The following SLA variants were observed in gnomAD, a reference collection of about 807,000 sequenced individuals.
SLA encodes the protein Src like adaptor.
In SLA, 16 loss-of-function variants were observed where a neutral mutation model predicts 30.3. The ratio of observed to expected loss-of-function variants is 0.53; its 90% CI spans 0.36 to 0.80. The LOEUF (loss-of-function observed/expected upper bound fraction) is 0.80. Among genes scored for constraint, SLA ranks in the 30% least tolerant of loss-of-function variants. The pLI is 0.01. For synonymous variants in SLA, 143 were observed against 137.8 expected, an observed-to-expected ratio of 1.04 and a Z score of -0.26; for missense variants, 310 against 345.2, an observed-to-expected ratio of 0.90 and a Z score of 0.81.
intron 1 of SLA, among the ~76,000 whole-genome samples, chr8:133,092,291 C>T (rs1293676333): frequency 6.6e-6 from 1 of 152,210 alleles, no homozygotes; most frequent in Non-Finnish European, 1.5e-5. Context: ...GGCACCTTAC[C>T]ATGTTCGGAG....
chr8:133,062,481 C>G (rs142142124), intron 2 of SLA, among the ~76,000 whole-genome samples: 1 of 152,260 alleles, frequency 6.6e-6, no homozygotes, highest in Non-Finnish European at 1.5e-5. Context: ...TCCCCGGTGC[C>G]GGGCCCTGGG....
chr8:133,050,621 TG>T (rs1260712964), intron 4 of SLA, 194 bp downstream of exon 4: 2 of 523,544 alleles, frequency 3.8e-6, no homozygotes, highest in South Asian at 2.6e-5. Flanking sequence ...TACCAGGCAG[TG>T]GGGAGCTATG....
chr8:133,047,510 A>G lies in SLA; in HGVS notation c.352+320T>C, dbSNP rs11993576. On this transcript the variant is annotated intron_variant, in intron 6 of 8. Coordinates refer to ENST00000338087, the MANE Select transcript of SLA (RefSeq NM_001045556.3). ...AGCCCAGGCCCATACCAAAGGCCAC[A>G]TTCTATCTGCACAGCATGCTGCCTA... 6.5e-3 allele frequency: 2,311 copies of G among 354,338 alleles called. 69 individuals carry two copies. Among genetic ancestry groups the G allele is most frequent in the African/African-American group, 0.046 (2,140 of 46,886 alleles). 21.9% of individuals were successfully genotyped at this position (354,338 alleles called of 1,614,324 possible).
intron 1 of SLA, among the ~76,000 whole-genome samples, chr8:133,101,883 G>A (rs527421123): frequency 2.9e-4 from 44 of 152,282 alleles, no homozygotes; most frequent in Admixed American, 1.1e-3. Context: ...CCAGGACCCC[G>A]CTCCCTTGGT....
chr8:133,092,644 T>G (rs1847748070), intron 1 of SLA, among the ~76,000 whole-genome samples: 1 of 152,194 alleles, frequency 6.6e-6, no homozygotes, highest in African/African-American at 2.4e-5. Context: ...AGATGGTCAC[T>G]TGCCCAAGCC....
At chr8:133,062,426 T>A (rs1842495828) in intron 2 of SLA, among the ~76,000 whole-genome samples, 1 of 152,210 alleles carries the variant, frequency 6.6e-6, no homozygotes, top group Non-Finnish European at 1.5e-5. Context: ...GTGGCGTGAC[T>A]CCAACCCACA....
chr8:133,054,480 A>G (rs958396773), intron 3 of SLA, among the ~76,000 whole-genome samples: 9 of 152,096 alleles, frequency 5.9e-5, no homozygotes, highest in African/African-American at 2.2e-4. Flanking sequence ...TAAAAAGGGA[A>G]ATTGCCAAAA....
At chr8:133,055,814 C>G (rs558279866) in intron 3 of SLA, among the ~76,000 whole-genome samples, 4 of 149,094 alleles carry the variant, frequency 2.7e-5, no homozygotes, top group South Asian at 2.1e-4. Flanking sequence ...CTTCCTCCCC[C>G]TCCTCATCAC....
At chr8:133,095,809 G>T (rs1049422315) in intron 1 of SLA, among the ~76,000 whole-genome samples, 1 of 152,200 alleles carries the variant, frequency 6.6e-6, no homozygotes, top group African/African-American at 2.4e-5. Flanking sequence ...ATTGGAGCAG[G>T]TCTTATTCTC....
intron 1 of SLA, chr8:133,094,980 C>T: frequency 1.2e-6 from 2 of 1,607,588 alleles, no homozygotes; most frequent in Non-Finnish European, 1.7e-6. Flanking sequence ...GCACTGAGGA[C>T]TCCAGGTGAG....
At chr8:133,069,014 G>T (rs1843539301) in intron 2 of SLA, among the ~76,000 whole-genome samples, 1 of 152,228 alleles carries the variant, frequency 6.6e-6, no homozygotes, top group Non-Finnish European at 1.5e-5. Context: ...GAGTGGTAAA[G>T]ACAATTATTT....
At chr8:133,085,361 A>C (rs1416833840) in intron 1 of SLA, among the ~76,000 whole-genome samples, 2 of 152,264 alleles carry the variant, frequency 1.3e-5, no homozygotes, top group East Asian at 3.8e-4. Flanking sequence ...ATCGGATTTC[A>C]TCACAATTTA....
intron 5 of SLA, chr8:133,048,965 T>G (rs144842480): frequency 2.4e-5 from 8 of 332,766 alleles, no homozygotes; most frequent in African/African-American, 1.7e-4. Context: ...TTAGTGTTTA[T>G]CAATGGATGC....
In SLA at chr8:133,096,382, G is replaced by A; in HGVS notation, c.-319+6171C>T. ...GAGCAAAGGCTGTGAAGGTAAGCAG[G>A]GAGGGGGCCTCGGATGTCTCCAGCT... is the stretch of plus-strand genomic sequence containing the variant. On this transcript the variant is annotated intron_variant, in intron 1 of 8. Transcript: ENST00000338087. The A allele has an allele frequency of 6.2e-7, 1 of 1,614,138 alleles. No homozygotes were observed. The highest frequency in any genetic ancestry group is 2.2e-5 in the East Asian group (1 of 44,884).
chr8:133,085,902 C>T (rs1846467929), intron 1 of SLA, among the ~76,000 whole-genome samples: 1 of 152,110 alleles, frequency 6.6e-6, no homozygotes, highest in East Asian at 1.9e-4. Context: ...ACATGCATCC[C>T]TATAAGAACT....
At chr8:133,053,823 G>T (rs1840866609) in intron 3 of SLA, among the ~76,000 whole-genome samples, 1 of 151,546 alleles carries the variant, frequency 6.6e-6, no homozygotes, top group South Asian at 2.1e-4. Context: ...TAAGTTTCCT[G>T]TGGAATTTCC....
chr8:133,100,641 CT>C lies in SLA; in HGVS notation c.-319+1911del, dbSNP rs962144985. Among the ~76,000 whole-genome samples, 30 of 152,308 alleles carry C rather than the reference CT, an allele frequency of 2.0e-4. 1 individual carries two copies. The highest frequency in any genetic ancestry group is 1.9e-3 in the South Asian group (9 of 4,830). ...AACCAGAATTAAAACCCAGTTCTAT[CT>C]GCCTCCAAATATCCTCTTCCCATGA... On this transcript the variant is annotated intron_variant, in intron 1 of 8. Coordinates refer to ENST00000338087, the MANE Select transcript of SLA (RefSeq NM_001045556.3).
At chr8:133,061,074 C>T (rs1320028279) in intron 2 of SLA, among the ~76,000 whole-genome samples, 3 of 152,214 alleles carry the variant, frequency 2.0e-5, no homozygotes, top group Non-Finnish European at 4.4e-5. Context: ...TGCAATGGCA[C>T]GATCTCGGCT....
At chr8:133,070,486 T>C (rs895051505) in intron 2 of SLA, among the ~76,000 whole-genome samples, 1 of 152,158 alleles carries the variant, frequency 6.6e-6, no homozygotes, top group African/African-American at 2.4e-5. Context: ...ACATACTGTT[T>C]TATAGACAAG....
Sources: allele counts gnomAD v4.1 joint callset (sites outside exome capture counted in the v4.1 genomes callset), GRCh38; gene constraint gnomAD v4.1.1; transcripts MANE v1.5; gene names NCBI Gene and HGNC (gene_info 2026-07-23, HGNC 2026-07-21).